The following GATAD2B variants were observed in gnomAD, a reference collection of about 807,000 sequenced individuals.
The protein encoded by GATAD2B is transcriptional repressor p66-beta.
Under a neutral mutation model 64.3 loss-of-function variants are expected in GATAD2B, and 8 were observed. The ratio of observed to expected loss-of-function variants is 0.12; its 90% CI spans 0.07 to 0.22. The LOEUF (loss-of-function observed/expected upper bound fraction) is 0.22. Among genes scored for constraint, GATAD2B ranks in the 10% least tolerant of loss-of-function variants. The pLI is 1.00. For synonymous variants in GATAD2B, 281 were observed against 271.3 expected, an observed-to-expected ratio of 1.04 and a Z score of -0.35; for missense variants, 453 against 752.0, an observed-to-expected ratio of 0.60 and a Z score of 4.65.
intron 1 of GATAD2B, among the ~76,000 whole-genome samples, chr1:153,863,907 G>A (rs4276953): frequency 0.44 from 66,392 of 152,006 alleles, 15,310 homozygotes; most frequent in Non-Finnish European, 0.52. Flanking sequence ...TACAGGTTAT[G>A]AGCCACCACG....
At chr1:153,841,762 A>C (rs1675503813) in intron 1 of GATAD2B, among the ~76,000 whole-genome samples, 1 of 152,166 alleles carries the variant, frequency 6.6e-6, no homozygotes, top group African/African-American at 2.4e-5. Flanking sequence ...ATTCATGGGA[A>C]AGTTTTTGTA....
At chr1:153,883,037 A>AG (rs1314314951) in intron 1 of GATAD2B, among the ~76,000 whole-genome samples, 1 of 152,158 alleles carries the variant, frequency 6.6e-6, no homozygotes, top group Non-Finnish European at 1.5e-5. Context: ...AGGAATAACA[A>AG]GGGGGGAGGG....
chr1:153,910,561 G>A (rs1678084783), intron 1 of GATAD2B, among the ~76,000 whole-genome samples: 1 of 152,082 alleles, frequency 6.6e-6, no homozygotes, highest in South Asian at 2.1e-4. Context: ...CCGACATGGT[G>A]AATCCCCATT....
At chr1:153,827,892 G>A (rs929577796) in intron 2 of GATAD2B, 121 bp downstream of exon 2, 2 of 735,048 alleles carry the variant, frequency 2.7e-6, no homozygotes, top group African/African-American at 1.8e-5. Context: ...CAAACTCGAT[G>A]ATATATCTTC....
At chr1:153,877,424 C>T (rs1200053402) in intron 1 of GATAD2B, among the ~76,000 whole-genome samples, 2 of 151,276 alleles carry the variant, frequency 1.3e-5, no homozygotes, top group African/African-American at 4.9e-5. Context: ...TTCAGCCACT[C>T]CAAAACAGCA....
At position 153,811,839 on chromosome 1, in the gene GATAD2B, G is replaced by T; in HGVS notation, c.1540C>A (p.Pro514Thr). 6.2e-7 allele frequency: 1 copy of T among 1,605,084 alleles called. No homozygotes were observed. The highest frequency in any genetic ancestry group is 8.5e-7 in the Non-Finnish European group (1 of 1,175,256). Residue 514 changes from proline (P) to threonine (T), a missense_variant, in exon 10 of 11, where the codon CCC (proline) becomes ACC (threonine). Physicochemically the swap from Pro to Thr is conservative, Grantham distance 38 (BLOSUM62 -1). Coordinates refer to ENST00000368655, the MANE Select transcript of GATAD2B (RefSeq NM_020699.4). ...RHHTLRQAPQPQSSLQRGIPT... is the reference protein window; with the variant it reads ...RHHTLRQAPQTQSSLQRGIPT... ...ATGCCACGCTGGAGGCTGCTCTGGG[G>T]CTGTGGAGCCTGCAATGATGAGGAG...
At chr1:153,904,775 C>T (rs1481166813) in intron 1 of GATAD2B, among the ~76,000 whole-genome samples, 5 of 151,954 alleles carry the variant, frequency 3.3e-5, no homozygotes, top group Non-Finnish European at 7.4e-5. Context: ...TGGCACATCT[C>T]GGCTCACTGC....
chr1:153,852,731 T>C lies in GATAD2B; in HGVS notation c.-1-24383A>G, dbSNP rs1416220982. 6.4e-6 allele frequency: 6 copies of C among 935,018 alleles called. No homozygotes were observed. In the East Asian group the frequency reaches 1.2e-4, roughly 19 times the overall value. The allele number at this position is 935,018 out of a possible 1,614,324, so 57.9% of individuals were successfully genotyped here. ...CCTGCTCATACGAAGTGAAGCTTGG[T>C]AGACAGGGAGTGAAGCTTGGTAGAC... On this transcript the variant is annotated intron_variant, in intron 1 of 10. Transcript: ENST00000368655.
chr1:153,894,868 A>G (rs1035634811), intron 1 of GATAD2B, among the ~76,000 whole-genome samples: 172 of 151,202 alleles, frequency 1.1e-3, no homozygotes, highest in Non-Finnish European at 1.7e-3. Flanking sequence ...TCTCAAAAAA[A>G]CAAACAAAGG....
chr1:153,862,071 CTTACA>C (rs1274137565), intron 1 of GATAD2B, among the ~76,000 whole-genome samples: 2 of 146,870 alleles, frequency 1.4e-5, no homozygotes, highest in African/African-American at 5.0e-5. Context: ...AAGAATATAA[CTTACA>C]TTAGTTTTTC....
chr1:153,825,787 T>C (rs1674854342), intron 2 of GATAD2B, among the ~76,000 whole-genome samples: 1 of 152,188 alleles, frequency 6.6e-6, no homozygotes, highest in African/African-American at 2.4e-5. Context: ...AAAATAATCC[T>C]GGGACAAGAC....
At chr1:153,879,761 A>AC (rs1676953513) in intron 1 of GATAD2B, among the ~76,000 whole-genome samples, 1 of 100,456 alleles carries the variant, frequency 1.0e-5, no homozygotes, top group East Asian at 4.4e-4. Flanking sequence ...GACACTGTCT[A>AC]CAAAAAAAAA....
chr1:153,815,292 AC>A lies in GATAD2B; in HGVS notation c.1216+980del, dbSNP rs1350112776. On this transcript the variant is annotated intron_variant, in intron 7 of 10. Transcript: ENST00000368655. Reference sequence around the variant, plus strand: ...TGTCTCAAAAAAACAAAAAAAAAAAACAAAAAAAAAAAAAAGAAAAGAGAAG... The same window carrying A: ...TGTCTCAAAAAAACAAAAAAAAAAAAAAAAAAAAAAAAAAGAAAAGAGAAG... Among the ~76,000 whole-genome samples the A allele has an allele frequency of 2.5e-4, 35 of 140,440 alleles. 1 individual carries two copies. Among genetic ancestry groups the A allele is most frequent in the South Asian group, 4.4e-4 (2 of 4,502 alleles). The allele number at this position is 140,440 out of a possible 152,430, so 92.1% of individuals were successfully genotyped here. A position where few individuals can be genotyped will look rare whatever the true frequency, so the allele number is the denominator to read the frequency against.
chr1:153,915,743 A>T (rs79542805), intron 1 of GATAD2B, among the ~76,000 whole-genome samples: 7 of 49,044 alleles, frequency 1.4e-4, no homozygotes, highest in South Asian at 7.8e-4. Context: ...TGTCTATATA[A>T]AAAAAAAAAA....
intron 1 of GATAD2B, among the ~76,000 whole-genome samples, chr1:153,848,966 CA>C (rs1675786701): frequency 7.3e-6 from 1 of 137,772 alleles, no homozygotes; most frequent in Non-Finnish European, 1.6e-5. Flanking sequence ...AAGCAAAAAA[CA>C]AACAAACCCC....
chr1:153,843,304 T>C (rs1460731685), intron 1 of GATAD2B, among the ~76,000 whole-genome samples: 6 of 150,932 alleles, frequency 4.0e-5, no homozygotes, highest in African/African-American at 1.5e-4. Context: ...TTGGCTAATA[T>C]ATGGGGTCTC....
intron 1 of GATAD2B, among the ~76,000 whole-genome samples, chr1:153,831,070 G>A (rs1027767202): frequency 1.6e-4 from 25 of 152,158 alleles, no homozygotes. Flanking sequence ...ACCTTTTAGA[G>A]ATAAAAGTCA....
At chr1:153,894,748 G>A (rs1416581782) in intron 1 of GATAD2B, among the ~76,000 whole-genome samples, 1 of 152,202 alleles carries the variant, frequency 6.6e-6, no homozygotes, top group Non-Finnish European at 1.5e-5. Flanking sequence ...TGCAGTCCCA[G>A]CTACTTGGCA....
intron 1 of GATAD2B, among the ~76,000 whole-genome samples, chr1:153,840,243 C>G (rs1001226355): frequency 1.3e-5 from 2 of 151,308 alleles, no homozygotes; most frequent in African/African-American, 4.9e-5. Flanking sequence ...CCATGTTGTC[C>G]AGGCTGGTCT....
Sources: allele counts gnomAD v4.1 joint callset (sites outside exome capture counted in the v4.1 genomes callset), GRCh38; gene constraint gnomAD v4.1.1; transcripts MANE v1.5; gene names NCBI Gene and HGNC (gene_info 2026-07-23, HGNC 2026-07-21).